The following MAN1A2 variants were observed in gnomAD, a reference collection of about 807,000 sequenced individuals.
MAN1A2 encodes the protein mannosidase alpha class 1A member 2.
In MAN1A2, 26 loss-of-function variants were observed where a neutral mutation model predicts 75.7. The ratio of observed to expected loss-of-function variants is 0.34; its 90% CI spans 0.25 to 0.48. The LOEUF (loss-of-function observed/expected upper bound fraction) is 0.48. Ranked by LOEUF, MAN1A2 falls within the 20% of genes least tolerant of loss-of-function variation. The pLI, the probability that MAN1A2 is intolerant of heterozygous loss-of-function variation, is 0.99. For missense variants in MAN1A2, 562 were observed against 775.5 expected (o/e 0.72, Z 3.27); for synonymous variants, 247 against 264.6 (o/e 0.93, Z 0.65).
chr1:117,385,465 C>A (rs1300120176), intron 1 of MAN1A2, among the ~76,000 whole-genome samples: 1 of 151,324 alleles, frequency 6.6e-6, no homozygotes, highest in Admixed American at 6.6e-5. Flanking sequence ...CCACCCTATT[C>A]TCATCTACAC....
chr1:117,459,237 A>G (rs1253838615), intron 6 of MAN1A2, among the ~76,000 whole-genome samples: 1 of 152,186 alleles, frequency 6.6e-6, no homozygotes, highest in Non-Finnish European at 1.5e-5. Flanking sequence ...ACAAAATCTC[A>G]TATAGAAAGA....
At chr1:117,428,042 A>G (rs1476773886) in intron 5 of MAN1A2, among the ~76,000 whole-genome samples, 1 of 152,194 alleles carries the variant, frequency 6.6e-6, no homozygotes, top group Non-Finnish European at 1.5e-5. Context: ...AACATTAAAG[A>G]AAAATATTGC....
rs17037248 is a variant in MAN1A2, at chr1:117,399,787, A to G, written c.303-2399A>G. Among the ~76,000 whole-genome samples the G allele has an allele frequency of 7.3e-3, 1,116 of 152,298 alleles. 18 individuals are homozygous for G. Among genetic ancestry groups the G allele is most frequent in the African/African-American group, 0.026 (1,068 of 41,554 alleles). Reference sequence around the variant, plus strand: ...GTGGTTGGGTGGGTTTAGACTTAGCAGGTAAATGTCCTTTTCTCAACTGGC... The same window carrying G: ...GTGGTTGGGTGGGTTTAGACTTAGCGGGTAAATGTCCTTTTCTCAACTGGC... On this transcript the variant is annotated intron_variant, in intron 1 of 12. Coordinates refer to ENST00000356554, the MANE Select transcript of MAN1A2 (RefSeq NM_006699.5).
chr1:117,387,227 A>C (rs953843762), intron 1 of MAN1A2, among the ~76,000 whole-genome samples: 3 of 151,916 alleles, frequency 2.0e-5, no homozygotes, highest in African/African-American at 7.3e-5. Context: ...AAAAAAAAAA[A>C]AAAAAAAACA....
intron 5 of MAN1A2, among the ~76,000 whole-genome samples, chr1:117,427,130 T>C (rs1409109889): frequency 6.6e-6 from 1 of 150,858 alleles, no homozygotes; most frequent in Non-Finnish European, 1.5e-5. Flanking sequence ...AATTACTCAA[T>C]GTATGAAAAA....
chr1:117,525,125 TC>T lies in MAN1A2; in HGVS notation c.*2170del. ...GGGATGAGGAGACAGAACCCCTACT[TC>T]CAAGTGCTCTATTTGTATTACCCAG... On this transcript the variant is annotated 3_prime_UTR_variant, in exon 13 of 13. Coordinates refer to ENST00000356554, the MANE Select transcript of MAN1A2 (RefSeq NM_006699.5). 1 of 529,130 alleles carries T rather than the reference TC, an allele frequency of 1.9e-6. No individual in the cohort carries two copies. The highest frequency in any genetic ancestry group is 3.9e-6 in the Non-Finnish European group (1 of 258,288). 32.8% of individuals were successfully genotyped at this position (529,130 alleles called of 1,614,324 possible).
intron 7 of MAN1A2, 35 bp downstream of exon 7, chr1:117,460,647 T>G (rs373792078): frequency 3.2e-6 from 5 of 1,563,046 alleles, no homozygotes; most frequent in African/African-American, 1.4e-5. Flanking sequence ...TTGTTTGTTA[T>G]AAAGAGTCCT....
rs1007474174 is a variant in MAN1A2 at position 117,373,643 on chromosome 1, T to C, written c.302+5158T>C. 2.0e-5 allele frequency among the ~76,000 whole-genome samples: 3 copies of C among 152,116 alleles called. No homozygotes were observed. In the East Asian group the frequency reaches 5.8e-4, roughly 29 times the overall value. On this transcript the variant is annotated intron_variant, in intron 1 of 12. Transcript: ENST00000356554. Reference sequence around the variant, plus strand: ...TGGGCATGAGTTGGGACTACAGGTGTGAACAACCATGCTAGGTTAAGTTTT... The same window carrying C: ...TGGGCATGAGTTGGGACTACAGGTGCGAACAACCATGCTAGGTTAAGTTTT...
chr1:117,389,460 T>C (rs1170285391), intron 1 of MAN1A2, among the ~76,000 whole-genome samples: 1 of 152,090 alleles, frequency 6.6e-6, no homozygotes, highest in Non-Finnish European at 1.5e-5. Flanking sequence ...GATCTGACAG[T>C]TATGTGGAAT....
At chr1:117,420,984 T>A (rs1648167908) in intron 5 of MAN1A2, among the ~76,000 whole-genome samples, 1 of 151,966 alleles carries the variant, frequency 6.6e-6, no homozygotes, top group African/African-American at 2.4e-5. Flanking sequence ...AAATAACAAA[T>A]CAGAAAGAAT....
intron 8 of MAN1A2, among the ~76,000 whole-genome samples, chr1:117,492,465 A>G (rs765564982): frequency 6.6e-6 from 1 of 152,220 alleles, no homozygotes; most frequent in African/African-American, 2.4e-5. Flanking sequence ...AACTTTTATA[A>G]CTACTGGGAA....
At chr1:117,396,147 T>C (rs1653899119) in intron 1 of MAN1A2, among the ~76,000 whole-genome samples, 1 of 152,222 alleles carries the variant, frequency 6.6e-6, no homozygotes, top group Non-Finnish European at 1.5e-5. Flanking sequence ...AGTCTCCCAA[T>C]GGACTGATAC....
At chr1:117,485,033 T>G (rs1446648686) in intron 8 of MAN1A2, among the ~76,000 whole-genome samples, 1 of 152,018 alleles carries the variant, frequency 6.6e-6, no homozygotes. Flanking sequence ...TTAAATGTTT[T>G]ATGATTTTTC....
At chr1:117,426,863 G>C (rs539119387) in intron 5 of MAN1A2, among the ~76,000 whole-genome samples, 1 of 152,230 alleles carries the variant, frequency 6.6e-6, no homozygotes, top group Admixed American at 6.5e-5. Context: ...CATAGTTTGT[G>C]ATGAGAAATC....
At chr1:117,446,917 C>A (rs1649253007) in intron 6 of MAN1A2, among the ~76,000 whole-genome samples, 1 of 152,022 alleles carries the variant, frequency 6.6e-6, no homozygotes, top group Non-Finnish European at 1.5e-5. Flanking sequence ...CTATTTCTGT[C>A]AATTTTTTGC....
chr1:117,444,141 T>G (rs1047922163), intron 6 of MAN1A2, among the ~76,000 whole-genome samples: 1 of 152,136 alleles, frequency 6.6e-6, no homozygotes, highest in African/African-American at 2.4e-5. Flanking sequence ...TCAATAATAC[T>G]CCATGGAAAT....
At chr1:117,516,454 A>G (rs1336156835) in intron 12 of MAN1A2, among the ~76,000 whole-genome samples, 1 of 152,152 alleles carries the variant, frequency 6.6e-6, no homozygotes, top group African/African-American at 2.4e-5. Context: ...GATTGGATTA[A>G]TAATAGACTT....
chr1:117,401,541 G>A (rs1362070422), intron 1 of MAN1A2, among the ~76,000 whole-genome samples: 1 of 152,100 alleles, frequency 6.6e-6, no homozygotes, highest in Non-Finnish European at 1.5e-5. Flanking sequence ...AACGGTGTAG[G>A]TGTCCATTGC....
At chr1:117,386,063 G>C (rs1320238073) in intron 1 of MAN1A2, among the ~76,000 whole-genome samples, 1 of 152,178 alleles carries the variant, frequency 6.6e-6, no homozygotes, top group East Asian at 1.9e-4. Context: ...TAGATGTTAG[G>C]AAGATTAAGT....
Sources: gnomAD v4.1 joint callset for allele counts (sites outside exome capture counted in the v4.1 genomes callset) on GRCh38, gnomAD v4.1.1 for gene constraint, MANE v1.5 for transcripts, NCBI Gene and HGNC (gene_info 2026-07-23, HGNC 2026-07-21) for gene names.